Variants in ABCC1 observed in about 807,000 individuals in gnomAD.
The protein encoded by ABCC1 is multidrug resistance-associated protein 1.
ABCC1 carries 83 observed loss-of-function variants against 172.9 expected under a neutral mutation model. The ratio of observed to expected loss-of-function variants is 0.48; its 90% CI spans 0.40 to 0.58. The LOEUF is 0.58. Among genes scored for constraint, ABCC1 ranks in the 20% least tolerant of loss-of-function variants. ABCC1 has a pLI of 0.00. For missense variants in ABCC1, 1,817 were observed against 2,002.7 expected (o/e 0.91, Z 1.77); for synonymous variants, 937 against 825.2 (o/e 1.14, Z -2.32).
chr16:16,074,247 T>C (rs937065183), intron 14 of ABCC1, among the ~76,000 whole-genome samples: 12 of 152,122 alleles, frequency 7.9e-5, no homozygotes, highest in African/African-American at 1.2e-4. Flanking sequence ...CTCCAGACAT[T>C]GCCAGATGTG....
chr16:16,123,857 C>T (rs1163541706), intron 24 of ABCC1, among the ~76,000 whole-genome samples: 1 of 151,774 alleles, frequency 6.6e-6, no homozygotes, highest in African/African-American at 2.4e-5. Context: ...AAAAACAAAA[C>T]AAAAAACCAA....
chr16:16,102,821 C>T (rs1018457650), intron 20 of ABCC1, 104 bp downstream of exon 20: 36 of 1,117,684 alleles, frequency 3.2e-5, no homozygotes, highest in Non-Finnish European at 4.5e-5. Context: ...TCCTGGAAGG[C>T]CTGGGCTTTT....
intron 22 of ABCC1, 108 bp downstream of exon 22, chr16:16,111,690 C>A: frequency 2.1e-6 from 2 of 970,064 alleles, no homozygotes; most frequent in Non-Finnish European, 3.0e-6. Context: ...GACCCCAAAC[C>A]AAGCCAAACC....
At chr16:16,083,029 G>A (rs565677961) in intron 16 of ABCC1, among the ~76,000 whole-genome samples, 85 of 152,320 alleles carry the variant, frequency 5.6e-4, no homozygotes, top group African/African-American at 2.0e-3. Flanking sequence ...TCCGTCACCT[G>A]AGGGACTTCC....
At chr16:16,007,174 C>A (rs1464975784) in intron 1 of ABCC1, among the ~76,000 whole-genome samples, 1 of 149,984 alleles carries the variant, frequency 6.7e-6, no homozygotes, top group Non-Finnish European at 1.5e-5. Context: ...ATGCTACATA[C>A]CTTTTTGTTG....
chr16:15,954,538 C>T (rs2045944794), intron 1 of ABCC1, among the ~76,000 whole-genome samples: 1 of 146,178 alleles, frequency 6.8e-6, no homozygotes, highest in African/African-American at 2.6e-5. Context: ...ATGAGGGTGA[C>T]CCGGGAGAGG....
At chr16:15,949,837 G>A in intron 1 of ABCC1, 38 bp downstream of exon 1, 1 of 1,190,808 alleles carries the variant, frequency 8.4e-7, no homozygotes, top group South Asian at 4.2e-5. Flanking sequence ...GCGGGACGGA[G>A]GGAGGCCGGC....
At chr16:16,082,910 A>C (rs2050860884) in intron 16 of ABCC1, among the ~76,000 whole-genome samples, 1 of 152,172 alleles carries the variant, frequency 6.6e-6, no homozygotes, top group South Asian at 2.1e-4. Context: ...GGCCTCCCAA[A>C]GTGCTGGGAT....
chr16:16,027,368 GT>G (rs2048411075), intron 5 of ABCC1, among the ~76,000 whole-genome samples: 1 of 152,160 alleles, frequency 6.6e-6, no homozygotes, highest in Non-Finnish European at 1.5e-5. Context: ...GGGTGTGACT[GT>G]TCCAATGAAA....
chr16:16,096,849 A>G (rs1271414651), intron 19 of ABCC1, among the ~76,000 whole-genome samples: 1 of 152,096 alleles, frequency 6.6e-6, no homozygotes, highest in East Asian at 1.9e-4. Flanking sequence ...CAGCATCCAA[A>G]ACCCAACACC....
chr16:16,007,868 A>G lies in ABCC1; in HGVS notation c.101A>G (p.Gln34Arg). ...TSNPDFTKCF[Q>R]NTVLVWVPCF... ...AACCCCGACTTCACCAAGTGCTTTC[A>G]GAACACGGTCCTCGTGTGGGTGCCT... Residue 34 changes from glutamine (Q) to arginine (R), a missense_variant, in exon 2 of 31, where the codon CAG (glutamine) becomes CGG (arginine). By Grantham distance (43) the Gln-to-Arg change is conservative. This residue lies in a region of ABCC1 where 398 missense variants were observed against 384.2 expected (regional missense o/e 1.04). Transcript: ENST00000399410. The G allele has an allele frequency of 6.2e-7, 1 of 1,613,568 alleles. No homozygotes were observed. Among genetic ancestry groups the G allele is most frequent in the Admixed American group, 1.7e-5 (1 of 59,896 alleles).
At chr16:16,067,532 G>A (rs938963906) in intron 12 of ABCC1, among the ~76,000 whole-genome samples, 2 of 152,196 alleles carry the variant, frequency 1.3e-5, no homozygotes, top group African/African-American at 2.4e-5. Flanking sequence ...GCCCTTAAAA[G>A]CCTATCATGA....
chr16:16,103,824 G>A (rs954973079), intron 20 of ABCC1, among the ~76,000 whole-genome samples: 5 of 152,162 alleles, frequency 3.3e-5, no homozygotes, highest in East Asian at 3.9e-4. Context: ...GTTATGGTCC[G>A]GAATTGGTGG....
chr16:16,100,179 G>C (rs1018036025), intron 19 of ABCC1, among the ~76,000 whole-genome samples: 4 of 152,182 alleles, frequency 2.6e-5, no homozygotes, highest in African/African-American at 9.7e-5. Flanking sequence ...GTGCAGAGTG[G>C]AATTTTCCAG....
At chr16:16,007,459 A>G (rs1258362696) in intron 1 of ABCC1, among the ~76,000 whole-genome samples, 1 of 152,094 alleles carries the variant, frequency 6.6e-6, no homozygotes, top group African/African-American at 2.4e-5. Flanking sequence ...TCCCAGCCTA[A>G]AGTGGTCTGC....
At position 16,012,701 on chromosome 16, in the gene ABCC1, C is replaced by T. The variant is rs376235906; in HGVS notation, c.352-1790C>T. 1.3e-3 allele frequency among the ~76,000 whole-genome samples: 114 copies of T among 86,960 alleles called. 2 individuals are homozygous for T. The highest frequency in any genetic ancestry group is 5.9e-3 in the African/African-American group (81 of 13,628). 57.0% of individuals were successfully genotyped at this position (86,960 alleles called of 152,430 possible). A position where few individuals can be genotyped will look rare whatever the true frequency, so the allele number is the denominator to read the frequency against. The stretch of plus-strand genomic sequence containing the variant: ...CTTGTTCCTGGTCTTTTTTTTTTTT[C>T]CTTTGAGGCAGAGTTTCGCTCTTTT... On this transcript the variant is annotated intron_variant, in intron 3 of 30. Coordinates refer to ENST00000399410, the MANE Select transcript of ABCC1 (RefSeq NM_004996.4).
chr16:16,000,513 T>A (rs1483714254), intron 1 of ABCC1, among the ~76,000 whole-genome samples: 2 of 152,184 alleles, frequency 1.3e-5, no homozygotes, highest in African/African-American at 4.8e-5. Context: ...CAAGTTCACA[T>A]GGGGTTAAGG....
At chr16:15,960,967 C>T (rs895020944) in intron 1 of ABCC1, among the ~76,000 whole-genome samples, 1 of 150,426 alleles carries the variant, frequency 6.6e-6, no homozygotes, top group Non-Finnish European at 1.5e-5. Flanking sequence ...AAGCAAGAAC[C>T]TTCTGATCTG....
intron 4 of ABCC1, among the ~76,000 whole-genome samples, chr16:16,015,818 C>G (rs1246622151): frequency 2.6e-5 from 4 of 152,176 alleles, no homozygotes; most frequent in Non-Finnish European, 2.9e-5. Flanking sequence ...AAGAAGATAT[C>G]CCCAGACACT....
Sources: gnomAD v4.1 joint callset for allele counts (sites outside exome capture counted in the v4.1 genomes callset) on GRCh38, gnomAD v4.1.1 for gene constraint, gnomAD v4.1.1 regional missense constraint, MANE v1.5 for transcripts, NCBI Gene and HGNC (gene_info 2026-07-23, HGNC 2026-07-21) for gene names.